The following AEN variants were observed in gnomAD, a reference collection of about 807,000 sequenced individuals.
The protein encoded by AEN is apoptosis enhancing nuclease.
AEN carries 21 observed loss-of-function variants against 17.7 expected under a neutral mutation model. The ratio of observed to expected loss-of-function variants is 1.19; its 90% CI spans 0.84 to 1.71. AEN has a LOEUF of 1.71. Among genes scored for constraint, AEN ranks in the 40% most tolerant of loss-of-function variants. The pLI is 0.00. For missense variants in AEN, 462 were observed against 435.9 expected, an observed-to-expected ratio of 1.06 and a Z score of -0.53; for synonymous variants, 190 against 173.0, an observed-to-expected ratio of 1.10 and a Z score of -0.77.
At chr15:88,625,218 G>A (rs2057836230) in intron 1 of AEN, among the ~76,000 whole-genome samples, 1 of 152,160 alleles carries the variant, frequency 6.6e-6, no homozygotes, top group Non-Finnish European at 1.5e-5. Context: ...ACAACGTCAG[G>A]TAAAGAAATT....
chr15:88,629,142 A>C, intron 2 of AEN, 84 bp from the exon 3 acceptor site: 4 of 1,342,148 alleles, frequency 3.0e-6, no homozygotes, highest in Non-Finnish European at 4.2e-6. Context: ...CCATGCATCT[A>C]TTGGCCAGGG....
upstream of AEN, among the ~76,000 whole-genome samples, chr15:88,620,840 G>A (rs2057777202): frequency 6.6e-6 from 1 of 152,322 alleles, no homozygotes; most frequent in South Asian, 2.1e-4. Flanking sequence ...TAGGAGTCAA[G>A]TGTTGCAAAA....
At chr15:88,615,448 T>C in the AEN span, among the ~76,000 whole-genome samples, 1 of 152,178 alleles carries the variant, frequency 6.6e-6, no homozygotes, top group Non-Finnish European at 1.5e-5. Flanking sequence ...AAAGTCCAGC[T>C]GCTGCTGGAT....
chr15:88,615,266 A>G, the AEN span, among the ~76,000 whole-genome samples: 1 of 152,196 alleles, frequency 6.6e-6, no homozygotes, highest in Non-Finnish European at 1.5e-5. Context: ...GAATGGAGCA[A>G]GGAACGGCAG....
In AEN at chr15:88,630,626, C is replaced by T; in HGVS notation, c.*332C>T. On this transcript the variant is annotated 3_prime_UTR_variant, in exon 4 of 4. Transcript: ENST00000332810. The surrounding 1 kb of genome is among the most constrained non-coding windows in gnomAD (Gnocchi z 5.1). Reference sequence around the variant, plus strand: ...GACTGCCCAGGTTGCCGTGGCCTTCCCCACCCCCCAGATCTCCTGAGTCAT... The same window carrying T: ...GACTGCCCAGGTTGCCGTGGCCTTCTCCACCCCCCAGATCTCCTGAGTCAT... 3.0e-6 allele frequency: 1 copy of T among 329,084 alleles called. No homozygotes were observed. 20.4% of individuals were successfully genotyped at this position (329,084 alleles called of 1,614,324 possible). A position where few individuals can be genotyped will look rare whatever the true frequency, so the allele number is the denominator to read the frequency against.
Position 88,630,561 on chromosome 15 carries a change from C to A in AEN, c.*267C>A. On this transcript the variant is annotated 3_prime_UTR_variant, in exon 4 of 4. Coordinates refer to ENST00000332810, the MANE Select transcript of AEN (RefSeq NM_022767.4). The surrounding 1 kb of genome is among the most constrained non-coding windows in gnomAD (Gnocchi z 5.1). The stretch of plus-strand genomic sequence containing the variant: ...GACTCCATGGAGATGTCAGGTGGAC[C>A]ATCTTCTAGGGCCCAGCAGGAGTAG... 1 of 459,714 alleles carries A rather than the reference C, an allele frequency of 2.2e-6. No homozygotes were observed. Among genetic ancestry groups the A allele is most frequent in the Non-Finnish European group, 4.0e-6 (1 of 249,982 alleles). The allele number at this position is 459,714 out of a possible 1,614,324, so 28.5% of individuals were successfully genotyped here. A position where few individuals can be genotyped will look rare whatever the true frequency, so the allele number is the denominator to read the frequency against.
the AEN span, among the ~76,000 whole-genome samples, chr15:88,613,588 G>GC: frequency 1.3e-4 from 20 of 151,880 alleles, no homozygotes; most frequent in Non-Finnish European, 2.2e-4. Context: ...AAGCATCTCG[G>GC]GGGGGGATGT....
At chr15:88,622,833 G>T (rs1431126922) in intron 1 of AEN, among the ~76,000 whole-genome samples, 1 of 152,182 alleles carries the variant, frequency 6.6e-6, no homozygotes, top group Non-Finnish European at 1.5e-5. Context: ...TCTTAAAACA[G>T]GTACTGAGTA....
the AEN span, among the ~76,000 whole-genome samples, chr15:88,605,480 C>G: frequency 7.4e-4 from 112 of 152,342 alleles, no homozygotes; most frequent in Middle Eastern, 6.8e-3. The surrounding 1 kb of genome is among the most constrained non-coding windows in gnomAD (Gnocchi z 7.6). Context: ...CCAGGCTGGC[C>G]AGCACCCAGA....
Position 88,630,041 on chromosome 15 carries a change from T to C in AEN, c.742-17T>C. ...CACTAGGCCTGCAGGCAGTGATGTG[T>C]TGGCTCTCGTCAGTAGGTGGGCCAG... On this transcript the variant is annotated splice_polypyrimidine_tract_variant and intron_variant, in intron 3 of 3. Transcript: ENST00000332810. This position sits in a 1 kb window ranked among gnomAD's most constrained non-coding sequence, Gnocchi z 5.1. The C allele has an allele frequency of 1.2e-6, 2 of 1,613,256 alleles. No individual in the cohort carries two copies. The highest frequency in any genetic ancestry group is 1.7e-6 in the Non-Finnish European group (2 of 1,179,416).
chr15:88,606,914 C>A, the AEN span, among the ~76,000 whole-genome samples: 21 of 152,002 alleles, frequency 1.4e-4, no homozygotes, highest in African/African-American at 4.6e-4. Context: ...GTCCTTTATA[C>A]TGAAGGAGCT....
At chr15:88,611,587 C>T in the AEN span, among the ~76,000 whole-genome samples, 26 of 152,210 alleles carry the variant, frequency 1.7e-4, no homozygotes, top group Admixed American at 1.1e-3. Flanking sequence ...CAGAGCAAGA[C>T]CCTGTCTCAC....
chr15:88,625,461 C>T (rs1163064644), intron 1 of AEN, among the ~76,000 whole-genome samples: 6 of 152,080 alleles, frequency 3.9e-5, no homozygotes, highest in Admixed American at 1.3e-4. Context: ...GCTGTGATCA[C>T]GCCACTGCAC....
chr15:88,607,228 G>C, the AEN span, among the ~76,000 whole-genome samples: 1 of 152,212 alleles, frequency 6.6e-6, no homozygotes, highest in Non-Finnish European at 1.5e-5. Flanking sequence ...GATTCCTCAA[G>C]ATTCTCTTCT....
chr15:88,624,783 T>C (rs986763444), intron 1 of AEN, among the ~76,000 whole-genome samples: 15 of 151,796 alleles, frequency 9.9e-5, no homozygotes, highest in African/African-American at 3.6e-4. Context: ...CACAGGAGGC[T>C]GAGGCAGGAG....
chr15:88,617,405 G>A (rs923762523), upstream of AEN, among the ~76,000 whole-genome samples: 1 of 152,020 alleles, frequency 6.6e-6, no homozygotes, highest in Non-Finnish European at 1.5e-5. Context: ...AGGTGCCCAC[G>A]ACCATACCTA....
upstream of AEN, among the ~76,000 whole-genome samples, chr15:88,619,009 C>T (rs542201057): frequency 5.5e-4 from 83 of 152,232 alleles, no homozygotes; most frequent in Middle Eastern, 3.4e-3. Flanking sequence ...GTTGCCCATG[C>T]TGGTCTCAAA....
In AEN at chr15:88,630,842, C is replaced by A. The variant is rs1214806577; in HGVS notation, c.*548C>A. On this transcript the variant is annotated 3_prime_UTR_variant, in exon 4 of 4. Coordinates refer to ENST00000332810, the MANE Select transcript of AEN (RefSeq NM_022767.4). The surrounding 1 kb of genome is among the most constrained non-coding windows in gnomAD (Gnocchi z 5.1). ...TCCTGAAGTTAAAGAGGAGTTAAGT[C>A]CTAAAGGAGGCATTTCTTCCCCACC... The A allele has an allele frequency of 7.5e-6, 2 of 268,062 alleles. No homozygotes were observed. The highest frequency in any genetic ancestry group is 4.1e-5 in the Admixed American group (1 of 24,362). 16.6% of individuals were successfully genotyped at this position (268,062 alleles called of 1,614,324 possible).
At chr15:88,619,178 T>C (rs2057761317), upstream of AEN, among the ~76,000 whole-genome samples, 2 of 152,226 alleles carry the variant, frequency 1.3e-5, no homozygotes, top group African/African-American at 4.8e-5. Context: ...CAATAATTAA[T>C]ACATTATTTA....
Sources: allele counts gnomAD v4.1 joint callset (sites outside exome capture counted in the v4.1 genomes callset), GRCh38; gene constraint gnomAD v4.1.1; non-coding constraint Gnocchi (gnomAD v3.1); transcripts MANE v1.5; gene names NCBI Gene and HGNC (gene_info 2026-07-23, HGNC 2026-07-21).